The following CELF2 variants were observed in gnomAD, a reference collection of about 807,000 sequenced individuals.
CELF2 encodes CUG triplet repeat RNA-binding protein 2.
CELF2 carries 8 observed loss-of-function variants against 62.6 expected under a neutral mutation model. The observed-to-expected ratio is 0.13, with a 90% CI of 0.07 to 0.23. The LOEUF (loss-of-function observed/expected upper bound fraction) is 0.23. CELF2 is among the 10% of genes least tolerant of loss of function. The pLI is 1.00. For missense variants in CELF2, 333 were observed against 671.0 expected, an observed-to-expected ratio of 0.50 and a Z score of 5.56; for synonymous variants, 258 against 250.0, an observed-to-expected ratio of 1.03 and a Z score of -0.30.
intron 1 of CELF2, among the ~76,000 whole-genome samples, chr10:11,119,864 T>TCCCCCCCCCCCC (rs57433204): frequency 3.6e-5 from 4 of 112,104 alleles, no homozygotes; most frequent in African/African-American, 6.7e-5. Flanking sequence ...TGATTCCGCC[T>TCCCCCCCCCCCC]CCCCCCCCCC....
In CELF2 at chr10:11,103,623, A is replaced by G. The variant is rs1375139266; in HGVS notation, c.75-61863A>G. On this transcript the variant is annotated intron_variant, in intron 1 of 12. Coordinates refer to ENST00000633077, the MANE Select transcript of CELF2 (RefSeq NM_001326342.2). ...AAGGTCGTCATGATTATCTGAGATA[A>G]ACCACACGCAACTCTCGACACATGA... 2.6e-5 allele frequency among the ~76,000 whole-genome samples: 4 copies of G among 152,078 alleles called. No individual in the cohort carries two copies. The East Asian group carries it at 7.7e-4, about 29-fold the overall frequency.
chr10:11,170,188 TAG>T (rs2068416104), intron 2 of CELF2, among the ~76,000 whole-genome samples: 2 of 152,150 alleles, frequency 1.3e-5, no homozygotes. Flanking sequence ...AAGTGTAAGG[TAG>T]AGATGACTCT....
rs563545526 is a variant in CELF2 at position 10,967,105 on chromosome 10, G to T, written c.89+47106G>T. The stretch of plus-strand genomic sequence containing the variant: ...CCAAAGTAGGTTCACGGAGACTCCG[G>T]TGCTGCCACGTGGTCAGAGGGTGTT... On this transcript the variant is annotated intron_variant, in intron 2 of 13. Coordinates refer to the CELF2 transcript ENST00000636488. 2.0e-5 allele frequency among the ~76,000 whole-genome samples: 3 copies of T among 152,328 alleles called. No individual in the cohort carries two copies. The South Asian group carries it at 6.2e-4, about 32-fold the overall frequency.
At chr10:11,052,587 A>G (rs1389771423) in intron 1 of CELF2, among the ~76,000 whole-genome samples, 2 of 152,244 alleles carry the variant, frequency 1.3e-5, no homozygotes, top group East Asian at 1.9e-4. Flanking sequence ...AGCTAACTGC[A>G]ATTAGGTAAA....
At position 11,157,931 on chromosome 10, in the gene CELF2, G is replaced by T. The variant is rs2064874900; in HGVS notation, c.75-7555G>T. 6.6e-6 allele frequency among the ~76,000 whole-genome samples: 1 copy of T among 152,250 alleles called. No homozygotes were observed. The highest frequency in any genetic ancestry group is 2.4e-5 in the African/African-American group (1 of 41,456). On this transcript the variant is annotated intron_variant, in intron 1 of 12. Transcript: ENST00000633077. The surrounding 1 kb of genome is among the most constrained non-coding windows in gnomAD (Gnocchi z 4.9). The stretch of plus-strand genomic sequence containing the variant: ...CAACCTAGTCTGCAGGGAATCAGAT[G>T]TCGTGTGTCTTTCGTTTGCCCCCCT...
the CELF2 span, among the ~76,000 whole-genome samples, chr10:10,605,837 A>G: frequency 2.0e-5 from 3 of 152,344 alleles, no homozygotes; most frequent in Admixed American, 2.0e-4. Context: ...CAGTCCAAAA[A>G]ACTTAGTTCA....
chr10:10,922,963 C>T (rs1241993089), intron 2 of CELF2: 1 of 152,174 alleles, frequency 6.6e-6, no homozygotes, highest in Admixed American at 6.5e-5. Flanking sequence ...GAATCCTCCC[C>T]TTGTGTCCAG....
the CELF2 span, among the ~76,000 whole-genome samples, chr10:10,665,878 A>C: frequency 2.6e-5 from 4 of 152,204 alleles, no homozygotes; most frequent in Non-Finnish European, 4.4e-5. Context: ...ACTACTCTGC[A>C]AGCCTATCCC....
At chr10:11,120,304 T>C (rs2144100795) in intron 1 of CELF2, among the ~76,000 whole-genome samples, 1 of 152,254 alleles carries the variant, frequency 6.6e-6, no homozygotes, top group East Asian at 1.9e-4. Context: ...AAATAGTTAG[T>C]AGCAAGTAGC....
At chr10:11,195,828 G>A (rs2057312788) in intron 2 of CELF2, among the ~76,000 whole-genome samples, 1 of 152,184 alleles carries the variant, frequency 6.6e-6, no homozygotes, top group Non-Finnish European at 1.5e-5. Flanking sequence ...CCCACTTGAG[G>A]CCAGGAATAT....
rs547185173 is a variant in CELF2 at position 10,993,956 on chromosome 10, G to C, written c.89+73957G>C. 2.6e-5 allele frequency among the ~76,000 whole-genome samples: 4 copies of C among 152,318 alleles called. No individual in the cohort carries two copies. In the East Asian group the frequency reaches 7.7e-4, roughly 29 times the overall value. On this transcript the variant is annotated intron_variant, in intron 2 of 13. Transcript: ENST00000636488. The surrounding 1 kb of genome is among the most constrained non-coding windows in gnomAD (Gnocchi z 5.3). ...GCATAGGGAGAAGGCTCCAAGGAGA[G>C]GAGCCTCATGAGAAACCAAACCTGC...
At chr10:11,031,325 C>T (rs1178184007) in intron 1 of CELF2, among the ~76,000 whole-genome samples, 3 of 152,296 alleles carry the variant, frequency 2.0e-5, no homozygotes, top group Admixed American at 6.5e-5. Context: ...TGATGGACAG[C>T]TGTGGCCAGC....
the CELF2 span, among the ~76,000 whole-genome samples, chr10:10,632,851 T>TGC: frequency 2.0e-5 from 3 of 152,174 alleles, no homozygotes; most frequent in Non-Finnish European, 4.4e-5. Flanking sequence ...AAAATAACTG[T>TGC]GCACACACAC....
chr10:11,171,819 T>A (rs1049505241), intron 2 of CELF2, among the ~76,000 whole-genome samples: 17 of 150,832 alleles, frequency 1.1e-4, no homozygotes, highest in African/African-American at 3.9e-4. Context: ...CTAAAGCGGG[T>A]TGATCATCTT....
At chr10:11,194,060 A>G (rs1238540604) in intron 2 of CELF2, among the ~76,000 whole-genome samples, 1 of 151,954 alleles carries the variant, frequency 6.6e-6, no homozygotes, top group Non-Finnish European at 1.5e-5. Flanking sequence ...ACTTTTTAAA[A>G]ATTTTTTATT....
rs1356884542 is a variant in CELF2, at chr10:11,297,100, G to C, written c.976+8548G>C. Reference sequence around the variant, plus strand: ...CCATTTGATGTGAGGGAGAACAAAAGGAAAGGAGGAAAAATGATATGGTGT... The same window carrying C: ...CCATTTGATGTGAGGGAGAACAAAACGAAAGGAGGAAAAATGATATGGTGT... On this transcript the variant is annotated intron_variant, in intron 9 of 12. Transcript: ENST00000633077. The surrounding 1 kb of genome is among the most constrained non-coding windows in gnomAD (Gnocchi z 4.4). Among the ~76,000 whole-genome samples the C allele has an allele frequency of 6.6e-6, 1 of 152,158 alleles. No homozygotes were observed. The highest frequency in any genetic ancestry group is 2.4e-5 in the African/African-American group (1 of 41,430).
the CELF2 span, among the ~76,000 whole-genome samples, chr10:10,523,055 G>A: frequency 1.3e-5 from 2 of 152,154 alleles, no homozygotes; most frequent in Admixed American, 1.3e-4. Flanking sequence ...TTGATTCTGG[G>A]ACTTGGGCAG....
the CELF2 span, among the ~76,000 whole-genome samples, chr10:10,650,142 G>C: frequency 1.3e-5 from 2 of 152,172 alleles, no homozygotes; most frequent in African/African-American, 4.8e-5. Context: ...AGTTCGACCT[G>C]TCCCTTCGTA....
At position 10,833,896 on chromosome 10, in the gene CELF2, C is replaced by T. The variant is rs111607046; in HGVS notation, c.53+35079C>T. 5.5e-3 allele frequency among the ~76,000 whole-genome samples: 835 copies of T among 152,342 alleles called. 3 individuals carry two copies. The highest frequency in any genetic ancestry group is 9.0e-3 in the Non-Finnish European group (610 of 68,024). ...AAATTAGTTCAGTCACTGTGGAAAA[C>T]AGTGTGGAAATTCCTAAAACACTTA... On this transcript the variant is annotated intron_variant, in intron 1 of 13. Coordinates refer to the CELF2 transcript ENST00000636488.
Sources: allele counts gnomAD v4.1 joint callset (sites outside exome capture counted in the v4.1 genomes callset), GRCh38; gene constraint gnomAD v4.1.1; non-coding constraint Gnocchi (gnomAD v3.1); transcripts MANE v1.5; gene names NCBI Gene and HGNC (gene_info 2026-07-23, HGNC 2026-07-21).